The following MBD5 variants were observed in gnomAD, a reference collection of about 807,000 sequenced individuals.
The protein encoded by MBD5 is methyl-CpG-binding domain protein 5.
A neutral mutation model predicts 117.3 loss-of-function variants in MBD5; 13 were observed. The ratio of observed to expected loss-of-function variants is 0.11; its 90% CI spans 0.07 to 0.18. MBD5 has a LOEUF of 0.18. Ranked by LOEUF, MBD5 falls within the 10% of genes least tolerant of loss-of-function variation. The pLI, the probability that MBD5 is intolerant of heterozygous loss-of-function variation, is 1.00. For synonymous variants in MBD5, 727 were observed against 766.4 expected (o/e 0.95, Z 0.85); for missense variants, 1,879 against 2,093.8 (o/e 0.90, Z 2.00).
intron 3 of MBD5, among the ~76,000 whole-genome samples, chr2:148,332,893 TTC>T (rs1400393002): frequency 1.3e-5 from 2 of 152,176 alleles, no homozygotes; most frequent in African/African-American, 4.8e-5. Context: ...GGTTCTCTCC[TTC>T]TGTTATTTGG....
At position 148,093,754 on chromosome 2, in the gene MBD5, A is replaced by T. The variant is rs528788424; in HGVS notation, c.-925+72070A>T. Among the ~76,000 whole-genome samples the T allele has an allele frequency of 2.0e-5, 3 of 152,252 alleles. No individual in the cohort carries two copies. In the South Asian group the frequency reaches 6.2e-4, roughly 32 times the overall value. On this transcript the variant is annotated intron_variant, in intron 1 of 13. Transcript: ENST00000642680. The stretch of plus-strand genomic sequence containing the variant: ...ACACACATATAATATATGTTCATTG[A>T]GATGTTGAGGCTATGGAAATTTCAG...
intron 1 of MBD5, among the ~76,000 whole-genome samples, chr2:148,076,119 G>A (rs1695502248): frequency 6.6e-6 from 1 of 152,118 alleles, no homozygotes; most frequent in Non-Finnish European, 1.5e-5. Context: ...AAAATTAAAT[G>A]TTTAGAGATT....
rs1435046535 is a variant in MBD5 at position 148,360,878 on chromosome 2, T to C, written c.-557+18542T>C. 2.0e-5 allele frequency among the ~76,000 whole-genome samples: 3 copies of C among 152,148 alleles called. No individual in the cohort carries two copies. The East Asian group carries it at 5.8e-4, about 29-fold the overall frequency. ...TTTTATATTTCAGTTAAAATGCACA[T>C]ATAATCAATGTTCATTTTAAAATTT... On this transcript the variant is annotated intron_variant, in intron 4 of 13. Coordinates refer to ENST00000642680, the MANE Select transcript of MBD5 (RefSeq NM_001378120.1).
chr2:148,380,218 G>GT (rs1444702856), intron 4 of MBD5, among the ~76,000 whole-genome samples: 1 of 152,006 alleles, frequency 6.6e-6, no homozygotes, highest in African/African-American at 2.4e-5. Context: ...CATAGCCTCT[G>GT]AATATATAAA....
chr2:148,477,490 ATG>A lies in MBD5; in HGVS notation c.2519-5618_2519-5617del, dbSNP rs766151111. On this transcript the variant is annotated intron_variant, in intron 8 of 13. Coordinates refer to ENST00000642680, the MANE Select transcript of MBD5 (RefSeq NM_001378120.1). ...CAGAGCACAAAGATAGAGATTTGAT[ATG>A]TTTTTGTAAATACACATTACCATTC... Among the ~76,000 whole-genome samples, 90 of 152,308 alleles carry A rather than the reference ATG, an allele frequency of 5.9e-4. 1 individual carries two copies. The Middle Eastern group carries it at 0.017, about 29-fold the overall frequency.
chr2:148,214,248 A>G (rs942069085), intron 2 of MBD5, among the ~76,000 whole-genome samples: 1 of 152,202 alleles, frequency 6.6e-6, no homozygotes, highest in African/African-American at 2.4e-5. Flanking sequence ...GGAGCTACTC[A>G]ACTTTGCTTT....
At chr2:148,132,353 CAT>C (rs778979879) in intron 1 of MBD5, among the ~76,000 whole-genome samples, 112 of 142,620 alleles carry the variant, frequency 7.9e-4, no homozygotes, top group African/African-American at 2.1e-3. Flanking sequence ...TATATATACA[CAT>C]ATATATATAT....
chr2:148,434,889 A>C (rs1706108492), intron 4 of MBD5, among the ~76,000 whole-genome samples: 1 of 152,128 alleles, frequency 6.6e-6, no homozygotes, highest in South Asian at 2.1e-4. Flanking sequence ...ATAGGTCTCT[A>C]AGAACTTGTT....
At chr2:148,256,705 G>A (rs1019667414) in intron 3 of MBD5, among the ~76,000 whole-genome samples, 3 of 152,188 alleles carry the variant, frequency 2.0e-5, no homozygotes, top group Non-Finnish European at 2.9e-5. Context: ...ATAGCACCTC[G>A]GCTAGACCCA....
chr2:148,369,407 A>G (rs1216159057), intron 4 of MBD5, among the ~76,000 whole-genome samples: 1 of 152,180 alleles, frequency 6.6e-6, no homozygotes, highest in African/African-American at 2.4e-5. Flanking sequence ...GATAAGTTGT[A>G]TTGTAATTAT....
intron 4 of MBD5, among the ~76,000 whole-genome samples, chr2:148,370,538 G>T (rs1703821604): frequency 6.6e-6 from 1 of 152,034 alleles, no homozygotes; most frequent in South Asian, 2.1e-4. Flanking sequence ...ACTCAGGCTG[G>T]AGTGCAGTGA....
At chr2:148,165,108 A>G (rs1390042598) in intron 1 of MBD5, among the ~76,000 whole-genome samples, 1 of 152,126 alleles carries the variant, frequency 6.6e-6, no homozygotes, top group Non-Finnish European at 1.5e-5. Context: ...TTTTTACCTA[A>G]CAATCTACAT....
At chr2:148,254,720 C>T (rs1244339811) in intron 3 of MBD5, among the ~76,000 whole-genome samples, 1 of 152,150 alleles carries the variant, frequency 6.6e-6, no homozygotes, top group Non-Finnish European at 1.5e-5. Context: ...CTTGTTCCAC[C>T]ATATGTTCAG....
intron 4 of MBD5, among the ~76,000 whole-genome samples, chr2:148,412,881 G>A (rs777659587): frequency 6.6e-6 from 1 of 152,080 alleles, no homozygotes. Context: ...GAGTTTTCTA[G>A]ATATAAAATC....
At chr2:148,263,452 T>TC (rs910479887) in intron 3 of MBD5, among the ~76,000 whole-genome samples, 5 of 152,286 alleles carry the variant, frequency 3.3e-5, no homozygotes, top group Admixed American at 2.6e-4. Context: ...TATAAGTTTT[T>TC]CCCTGTTTCC....
chr2:148,132,577 A>T (rs1697077159), intron 1 of MBD5, among the ~76,000 whole-genome samples: 1 of 152,118 alleles, frequency 6.6e-6, no homozygotes, highest in African/African-American at 2.4e-5. Context: ...CATCTTGCAT[A>T]ACACAAAAAT....
intron 3 of MBD5, among the ~76,000 whole-genome samples, chr2:148,326,894 G>T (rs550281540): frequency 8.7e-5 from 13 of 149,230 alleles, no homozygotes; most frequent in African/African-American, 2.2e-4. Flanking sequence ...GTTAGCTGGT[G>T]ATTTTGCTCG....
intron 1 of MBD5, among the ~76,000 whole-genome samples, chr2:148,139,727 A>G (rs1223685129): frequency 6.6e-6 from 1 of 152,072 alleles, no homozygotes. Flanking sequence ...ACTTTTAAAC[A>G]ATAGCTACCC....
At chr2:148,298,270 A>T (rs766945013) in intron 3 of MBD5, among the ~76,000 whole-genome samples, 18 of 152,136 alleles carry the variant, frequency 1.2e-4, no homozygotes, top group Non-Finnish European at 2.4e-4. Flanking sequence ...GGGTCATGAG[A>T]AATGTTGATA....
Sources: allele counts gnomAD v4.1 joint callset (sites outside exome capture counted in the v4.1 genomes callset), GRCh38; gene constraint gnomAD v4.1.1; transcripts MANE v1.5; gene names NCBI Gene and HGNC (gene_info 2026-07-23, HGNC 2026-07-21).